Variants in FLI1 observed in about 807,000 individuals in gnomAD.
FLI1 encodes Friend leukemia integration 1 transcription factor.
In FLI1, 13 loss-of-function variants were observed where a neutral mutation model predicts 53.1. That is an observed-to-expected ratio of 0.24 (90% confidence interval 0.16 to 0.39). The LOEUF (loss-of-function observed/expected upper bound fraction) is 0.39. Ranked by LOEUF, FLI1 falls within the 10% of genes least tolerant of loss-of-function variation. FLI1 has a pLI of 1.00. For missense variants in FLI1, 424 were observed against 600.5 expected, an observed-to-expected ratio of 0.71 and a Z score of 3.07; for synonymous variants, 244 against 236.7, an observed-to-expected ratio of 1.03 and a Z score of -0.28.
chr11:128,710,583 G>A (rs1938746883), intron 1 of FLI1, among the ~76,000 whole-genome samples: 1 of 151,948 alleles, frequency 6.6e-6, no homozygotes, highest in African/African-American at 2.4e-5. Flanking sequence ...CAGAGTGAAG[G>A]TAAAGAGATT....
chr11:128,715,474 ATTT>A (rs1303699513), intron 1 of FLI1, among the ~76,000 whole-genome samples: 2 of 152,224 alleles, frequency 1.3e-5, no homozygotes, highest in Admixed American at 6.5e-5. Context: ...AGTCAATGAC[ATTT>A]GCAGAGCCCC....
At chr11:128,757,058 T>TTCTC (rs1481667714) in intron 1 of FLI1, among the ~76,000 whole-genome samples, 1 of 134,478 alleles carries the variant, frequency 7.4e-6, no homozygotes, top group East Asian at 2.1e-4. Context: ...CTTTCTTTCT[T>TTCTC]TCTTTCTTTC....
chr11:128,808,306 T>A (rs962742636), intron 7 of FLI1, among the ~76,000 whole-genome samples: 8 of 152,104 alleles, frequency 5.3e-5, no homozygotes, highest in African/African-American at 1.9e-4. Context: ...CAATTATAGT[T>A]GAAAAATAGC....
At chr11:128,750,073 A>G (rs1393677558) in intron 1 of FLI1, among the ~76,000 whole-genome samples, 2 of 152,234 alleles carry the variant, frequency 1.3e-5, no homozygotes, top group African/African-American at 2.4e-5. Context: ...ACTTCGTGTC[A>G]TTATGCAAAT....
At chr11:128,696,765 T>C (rs1035050850) in intron 1 of FLI1, among the ~76,000 whole-genome samples, 3 of 152,220 alleles carry the variant, frequency 2.0e-5, no homozygotes, top group Non-Finnish European at 4.4e-5. Flanking sequence ...GATTCTAGGA[T>C]GTGATTTTAT....
chr11:128,811,112 T>C lies in FLI1; in HGVS notation c.*124T>C, dbSNP rs1591394121. On this transcript the variant is annotated 3_prime_UTR_variant, in exon 9 of 9. Transcript: ENST00000527786. Reference sequence around the variant, plus strand: ...AAACTGGATGTTCTTTCTTGTTGGATAGAACCTTTGTATTTGTTCTTTAAA... The same window carrying C: ...AAACTGGATGTTCTTTCTTGTTGGACAGAACCTTTGTATTTGTTCTTTAAA... The C allele has an allele frequency of 1.1e-6, 1 of 936,438 alleles. No individual in the cohort carries two copies. Among genetic ancestry groups the C allele is most frequent in the East Asian group, 2.4e-5 (1 of 41,226 alleles). 58.0% of individuals were successfully genotyped at this position (936,438 alleles called of 1,614,324 possible).
intron 5 of FLI1, among the ~76,000 whole-genome samples, chr11:128,802,192 C>T (rs1186822470): frequency 6.6e-6 from 1 of 152,216 alleles, no homozygotes; most frequent in Non-Finnish European, 1.5e-5. Context: ...GAATGCAAGA[C>T]TTTAGTTCTT....
At chr11:128,721,602 A>G (rs1257459204) in intron 1 of FLI1, among the ~76,000 whole-genome samples, 1 of 152,172 alleles carries the variant, frequency 6.6e-6, no homozygotes, top group Admixed American at 6.5e-5. Context: ...TGGGTGCAAG[A>G]GCATGCCTGG....
At chr11:128,742,219 A>T (rs1334064774) in intron 1 of FLI1, among the ~76,000 whole-genome samples, 1 of 152,210 alleles carries the variant, frequency 6.6e-6, no homozygotes, top group Non-Finnish European at 1.5e-5. Flanking sequence ...ATGGAGGAAA[A>T]GTCCCACAAT....
At chr11:128,795,467 C>G (rs972574104) in intron 5 of FLI1, among the ~76,000 whole-genome samples, 1 of 151,052 alleles carries the variant, frequency 6.6e-6, no homozygotes, top group Non-Finnish European at 1.5e-5. Flanking sequence ...TTGGTTGACA[C>G]AAGAAAAATT....
At chr11:128,728,826 C>T (rs868574548) in intron 1 of FLI1, among the ~76,000 whole-genome samples, 2 of 152,224 alleles carry the variant, frequency 1.3e-5, no homozygotes, top group South Asian at 2.1e-4. Context: ...ATATGATGAA[C>T]CATCTAGAAC....
intron 2 of FLI1, 86 bp from the exon 3 acceptor site, chr11:128,768,032 G>A (rs374745666): frequency 2.1e-5 from 26 of 1,244,048 alleles, no homozygotes; most frequent in African/African-American, 3.0e-5. Context: ...GCTCATCATC[G>A]GAGCCCTGGG....
Position 128,812,368 on chromosome 11 carries a change from A to T in FLI1, c.*1380A>T, listed in dbSNP as rs1942957613. ...AGTGTTAAGCTGACAACTGTCAAAG[A>T]AGACCATGTTGTAAAATAATTTGAC... On this transcript the variant is annotated 3_prime_UTR_variant, in exon 9 of 9. Transcript: ENST00000527786. The T allele has an allele frequency of 4.5e-6, 1 of 222,514 alleles. No individual in the cohort carries two copies. Among genetic ancestry groups the T allele is most frequent in the Non-Finnish European group, 9.0e-6 (1 of 111,334 alleles). The allele number at this position is 222,514 out of a possible 1,614,324, so 13.8% of individuals were successfully genotyped here.
chr11:128,741,329 G>T (rs56194362), intron 1 of FLI1, among the ~76,000 whole-genome samples: 15,309 of 152,246 alleles, frequency 0.1, 1,069 homozygotes, highest in Non-Finnish European at 0.15. Flanking sequence ...GGAGGCAGAG[G>T]TTCCATTGAG....
At chr11:128,765,326 G>A (rs1282385848) in intron 2 of FLI1, among the ~76,000 whole-genome samples, 1 of 152,126 alleles carries the variant, frequency 6.6e-6, no homozygotes, top group Non-Finnish European at 1.5e-5. Flanking sequence ...TGTGCCTACC[G>A]TACATGGCCA....
chr11:128,727,242 T>C (rs1329169407), intron 1 of FLI1, among the ~76,000 whole-genome samples: 1 of 152,182 alleles, frequency 6.6e-6, no homozygotes. Context: ...AATGAGGAAA[T>C]TATTTCATAA....
chr11:128,729,209 A>T (rs1939599729), intron 1 of FLI1, among the ~76,000 whole-genome samples: 1 of 152,196 alleles, frequency 6.6e-6, no homozygotes, highest in Non-Finnish European at 1.5e-5. Context: ...CAAAGAAAAA[A>T]GGTAGGGGGA....
At chr11:128,701,210 C>A (rs1195194164) in intron 1 of FLI1, among the ~76,000 whole-genome samples, 2 of 152,194 alleles carry the variant, frequency 1.3e-5, no homozygotes, top group Non-Finnish European at 2.9e-5. Flanking sequence ...CCTTCTCATC[C>A]CTTCCTTCCC....
At chr11:128,703,871 TAAGA>T (rs1269540118) in intron 1 of FLI1, among the ~76,000 whole-genome samples, 1 of 140,746 alleles carries the variant, frequency 7.1e-6, no homozygotes, top group East Asian at 2.0e-4. Flanking sequence ...AAACAAACGT[TAAGA>T]GAGACACAGA....
Sources: allele counts gnomAD v4.1 joint callset (sites outside exome capture counted in the v4.1 genomes callset), GRCh38; gene constraint gnomAD v4.1.1; transcripts MANE v1.5; gene names NCBI Gene and HGNC (gene_info 2026-07-23, HGNC 2026-07-21).